The following CES3 variants were observed in gnomAD, a reference collection of about 807,000 sequenced individuals.
CES3 encodes the protein carboxylesterase 3 (brain).
Under a neutral mutation model 57.6 loss-of-function variants are expected in CES3, and 49 were observed. The observed-to-expected ratio is 0.85, with a 90% CI of 0.68 to 1.08. The LOEUF is 1.08. Among genes scored for constraint, CES3 ranks in the 50% least tolerant of loss-of-function variants. The pLI is 0.00. For missense variants in CES3, 645 were observed against 742.0 expected, an observed-to-expected ratio of 0.87 and a Z score of 1.52; for synonymous variants, 266 against 281.6, an observed-to-expected ratio of 0.94 and a Z score of 0.55.
At chr16:66,971,718 T>C (rs1963837352) in intron 10 of CES3, among the ~76,000 whole-genome samples, 1 of 152,184 alleles carries the variant, frequency 6.6e-6, no homozygotes, top group African/African-American at 2.4e-5. Flanking sequence ...CAGAACTTTG[T>C]GACCTTGGGC....
chr16:66,963,209 C>G lies in CES3; in HGVS notation c.113C>G (p.Thr38Ser). The G allele has an allele frequency of 6.2e-7, 1 of 1,614,264 alleles. No individual in the cohort carries two copies. Among genetic ancestry groups the G allele is most frequent in the Admixed American group, 1.7e-5 (1 of 60,034 alleles). ...GPEVAQPEVD[T>S]TLGRVRGRQV... is the part of the protein sequence containing the mutation. Reference sequence around the variant, plus strand: ...GAAGTTGCTCAGCCTGAAGTAGACACCACCCTGGGTCGTGTGCGAGGCCGG... The same window carrying G: ...GAAGTTGCTCAGCCTGAAGTAGACAGCACCCTGGGTCGTGTGCGAGGCCGG... The change falls in exon 2 of 13, where the codon ACC becomes AGC. Residue 38 changes from threonine (T) to serine (S), a missense_variant. Thr to Ser is a moderately conservative substitution (Grantham distance 58). Transcript: ENST00000303334. The surrounding 1 kb of genome is among the most constrained non-coding windows in gnomAD (Gnocchi z 4.9).
chr16:66,961,846 G>A (rs1162876618), intron 1 of CES3, among the ~76,000 whole-genome samples: 2 of 152,150 alleles, frequency 1.3e-5, no homozygotes, highest in African/African-American at 4.8e-5. Context: ...TTACAGGCGT[G>A]AGCCACCGCA....
At position 66,971,389 on chromosome 16, in the gene CES3, C is replaced by T; in HGVS notation, c.1291+70C>T. On this transcript the variant is annotated intron_variant, in intron 10 of 12. Transcript: ENST00000303334. ...CCAGGAGCTGGGTCATCACAGGTGA[C>T]ATGGCATGATAGGGTGCTGGTTCCC... 2.0e-6 allele frequency: 3 copies of T among 1,531,408 alleles called. No homozygotes were observed. The South Asian group carries it at 3.6e-5, about 18-fold the overall frequency. The allele number at this position is 1,531,408 out of a possible 1,614,324, so 94.9% of individuals were successfully genotyped here. A position where few individuals can be genotyped will look rare whatever the true frequency, so the allele number is the denominator to read the frequency against.
At chr16:66,968,181 T>A (rs545379661) in intron 8 of CES3, among the ~76,000 whole-genome samples, 1 of 152,252 alleles carries the variant, frequency 6.6e-6, no homozygotes, top group South Asian at 2.1e-4. Flanking sequence ...GTTTTTGAGA[T>A]GGAGTTTTGC....
Position 66,972,844 on chromosome 16 carries a change from T to C in CES3, c.1521-10T>C. The C allele has an allele frequency of 1.2e-6, 2 of 1,613,932 alleles. No homozygotes were observed. Among genetic ancestry groups the C allele is most frequent in the Non-Finnish European group, 1.7e-6 (2 of 1,179,876 alleles). On this transcript the variant is annotated splice_polypyrimidine_tract_variant and intron_variant, in intron 12 of 12. Coordinates refer to ENST00000303334, the MANE Select transcript of CES3 (RefSeq NM_024922.6). ...GGAAGCCTTGGTCCTCATTCATTCC[T>C]CCCACCCAGGGACCCCAATAGCAAG...
At chr16:66,967,368 G>A in intron 8 of CES3, 1 of 358,218 alleles carries the variant, frequency 2.8e-6, no homozygotes, top group Non-Finnish European at 3.9e-6. Flanking sequence ...GTTTTCTTTT[G>A]GGGAACAAGG....
Position 66,972,703 on chromosome 16 carries a change from A to G in CES3, c.1477A>G (p.Ser493Gly). The G allele has an allele frequency of 6.2e-7, 1 of 1,614,222 alleles. No individual in the cohort carries two copies. The highest frequency in any genetic ancestry group is 8.5e-7 in the Non-Finnish European group (1 of 1,180,038). ...GGCCACAGAGGAGGAGAAGCAGCTA[A>G]GCCTCACCATGATGGCCCAGTGGAC... ...PEATEEEKQL[S>G]LTMMAQWTHF... Residue 493 changes from serine (S) to glycine (G), a missense_variant, in exon 12 of 13, where the codon AGC becomes GGC. Physicochemically the swap from Ser to Gly is moderately conservative, Grantham distance 56. Coordinates refer to ENST00000303334, the MANE Select transcript of CES3 (RefSeq NM_024922.6).
Position 66,966,754 on chromosome 16 carries a change from T to C in CES3, c.951T>C (p.Asp317=), listed in dbSNP as rs1963737894. The part of the protein sequence containing the change: ...LKNTIYPLTV[D]GTVFPKSPKE... ...ATACTATCTATCCTCTCACCGTTGA[T>C]GGCACTGTCTTCCCCAAAAGCCCCA... is the stretch of plus-strand genomic sequence containing the variant. The change falls in exon 8 of 13, where the codon GAT becomes GAC. Residue 317 remains aspartate (D), a synonymous_variant. Transcript: ENST00000303334. 2.5e-6 allele frequency: 4 copies of C among 1,614,042 alleles called. No individual in the cohort carries two copies. Among genetic ancestry groups the C allele is most frequent in the Admixed American group, 1.7e-5 (1 of 59,992 alleles).
In CES3 at chr16:66,963,712, C is replaced by T. The variant is rs778426315; in HGVS notation, c.426+83C>T. On this transcript the variant is annotated intron_variant, in intron 3 of 12. Coordinates refer to ENST00000303334, the MANE Select transcript of CES3 (RefSeq NM_024922.6). This position sits in a 1 kb window ranked among gnomAD's most constrained non-coding sequence, Gnocchi z 4.9. Reference sequence around the variant, plus strand: ...CCTCCCCGTCCCTGTTTCCAAAGCACCCTAGCGGTCCTGAGACTGCCTGGG... The same window carrying T: ...CCTCCCCGTCCCTGTTTCCAAAGCATCCTAGCGGTCCTGAGACTGCCTGGG... 2.4e-5 allele frequency: 38 copies of T among 1,612,168 alleles called. No individual in the cohort carries two copies. Among genetic ancestry groups the T allele is most frequent in the Non-Finnish European group, 3.1e-5 (37 of 1,178,848 alleles).
At position 66,964,793 on chromosome 16, in the gene CES3, G is replaced by A. The variant is rs1322736305; in HGVS notation, c.819+66G>A. 6 of 1,346,854 alleles carry A rather than the reference G, an allele frequency of 4.5e-6. No homozygotes were observed. In the Admixed American group the frequency reaches 8.8e-5, roughly 20 times the overall value. 83.4% of individuals were successfully genotyped at this position (1,346,854 alleles called of 1,614,324 possible). A position where few individuals can be genotyped will look rare whatever the true frequency, so the allele number is the denominator to read the frequency against. ...CATACCCCACTCTGTGCTGGCCCTGGGGTCTCAGAGTAGCGGGGTTTGCTG... is the reference window on the plus strand; with the variant it reads ...CATACCCCACTCTGTGCTGGCCCTGAGGTCTCAGAGTAGCGGGGTTTGCTG... On this transcript the variant is annotated intron_variant, in intron 6 of 12. Transcript: ENST00000303334.
rs1398228873 is a variant in CES3, at chr16:66,963,906, G to A, written c.531G>A (p.Gln177=). Residue 177 remains glutamine, a synonymous_variant, in exon 4 of 13, where the codon CAG becomes CAA. Transcript: ENST00000303334. The surrounding 1 kb of genome is among the most constrained non-coding windows in gnomAD (Gnocchi z 4.9). ...GGGATGTGGTCGTGGTTACAGTCCA[G>A]TACCGCCTTGGGGTCCTTGGCTTCT... The part of the protein sequence containing the change: ...AYGDVVVVTV[Q]YRLGVLGFFS... 4 of 1,613,992 alleles carry A rather than the reference G, an allele frequency of 2.5e-6. No homozygotes were observed. The highest frequency in any genetic ancestry group is 3.4e-6 in the Non-Finnish European group (4 of 1,179,862).
At chr16:66,961,440 G>A in intron 1 of CES3, 51 bp downstream of exon 1, 1 of 1,468,686 alleles carries the variant, frequency 6.8e-7, no homozygotes. Flanking sequence ...GAGGAGTCAA[G>A]AGTGAGACAG....
chr16:66,971,033 G>A, intron 9 of CES3, 139 bp from the exon 10 acceptor site: 1 of 891,392 alleles, frequency 1.1e-6, no homozygotes. Flanking sequence ...TCCCAGGGAG[G>A]CAGAGAGGCA....
chr16:66,969,588 C>A, intron 8 of CES3, 91 bp from the exon 9 acceptor site: 1 of 1,289,600 alleles, frequency 7.8e-7, no homozygotes, highest in Non-Finnish European at 1.1e-6. Context: ...AGTTTCTGGC[C>A]TCAGGACCGT....
chr16:66,973,264 T>C lies in CES3; in HGVS notation c.*215T>C. On this transcript the variant is annotated 3_prime_UTR_variant, in exon 13 of 13. Coordinates refer to ENST00000303334, the MANE Select transcript of CES3 (RefSeq NM_024922.6). ...TACAAGTTCTTCCCTCTCCCTGAAG[T>C]GCCTTTCCTGCTTTCTTCGTGGTAG... The C allele has an allele frequency of 1.8e-6, 1 of 560,540 alleles. No homozygotes were observed. Among genetic ancestry groups the C allele is most frequent in the South Asian group, 2.1e-5 (1 of 47,108 alleles). The allele number at this position is 560,540 out of a possible 1,614,324, so 34.7% of individuals were successfully genotyped here. A position where few individuals can be genotyped will look rare whatever the true frequency, so the allele number is the denominator to read the frequency against.
Position 66,972,880 on chromosome 16 carries a change from C to T in CES3, c.1547C>T (p.Pro516Leu). 1 of 1,614,180 alleles carries T rather than the reference C, an allele frequency of 6.2e-7. No homozygotes were observed. The highest frequency in any genetic ancestry group is 8.5e-7 in the Non-Finnish European group (1 of 1,180,026). Residue 516 changes from proline (P) to leucine (L), a missense_variant, in exon 13 of 13, where the codon CCT becomes CTT. Pro to Leu is a moderately conservative substitution (Grantham distance 98). Coordinates refer to ENST00000303334, the MANE Select transcript of CES3 (RefSeq NM_024922.6). ...TGDPNSKALP[P>L]WPQFNQAEQY... ...GACCCCAATAGCAAGGCTCTGCCTC[C>T]TTGGCCCCAATTCAACCAGGCGGAA...
Position 66,963,205 on chromosome 16 carries a change from G to A in CES3, c.109G>A (p.Asp37Asn). The change falls in exon 2 of 13, where the codon GAC becomes AAC. Residue 37 changes from aspartate (D) to asparagine (N), a missense_variant. Asp to Asn is a conservative substitution (Grantham distance 23). Transcript: ENST00000303334. The surrounding 1 kb of genome is among the most constrained non-coding windows in gnomAD (Gnocchi z 4.9). ...TGPEVAQPEV[D>N]TTLGRVRGRQ... ...GCCCGAAGTTGCTCAGCCTGAAGTA[G>A]ACACCACCCTGGGTCGTGTGCGAGG... is the stretch of plus-strand genomic sequence containing the variant. The A allele has an allele frequency of 1.9e-6, 3 of 1,614,244 alleles. No homozygotes were observed. Among genetic ancestry groups the A allele is most frequent in the Non-Finnish European group, 2.5e-6 (3 of 1,180,050 alleles).
intron 1 of CES3, among the ~76,000 whole-genome samples, chr16:66,961,805 C>T (rs1321989589): frequency 6.6e-6 from 1 of 152,110 alleles, no homozygotes; most frequent in Non-Finnish European, 1.5e-5. Context: ...CTCAGGTGAC[C>T]CACCTGCCTC....
At chr16:66,962,089 C>T (rs566037869) in intron 1 of CES3, among the ~76,000 whole-genome samples, 3 of 152,218 alleles carry the variant, frequency 2.0e-5, no homozygotes, top group South Asian at 2.1e-4. Flanking sequence ...ACGGTTGCCA[C>T]GGGAAGGAAT....
Sources: gnomAD v4.1 joint callset for allele counts (sites outside exome capture counted in the v4.1 genomes callset) on GRCh38, gnomAD v4.1.1 for gene constraint, Gnocchi (gnomAD v3.1) non-coding constraint, MANE v1.5 for transcripts, NCBI Gene and HGNC (gene_info 2026-07-23, HGNC 2026-07-21) for gene names.